KLHL2: variants seen among roughly 807,000 people sequenced by gnomAD.
KLHL2 encodes the protein kelch-like protein 2.
Under a neutral mutation model 75.8 loss-of-function variants are expected in KLHL2, and 15 were observed. The ratio of observed to expected loss-of-function variants is 0.20; its 90% CI spans 0.13 to 0.30. The LOEUF (loss-of-function observed/expected upper bound fraction) is 0.30, where lower values mean the gene tolerates loss of function less well. Among genes scored for constraint, KLHL2 ranks in the 10% least tolerant of loss-of-function variants. The probability of loss-of-function intolerance (pLI) is 1.00; values close to 1 mark genes in which losing one functional copy is unlikely to be tolerated. For synonymous variants in KLHL2, 214 were observed against 251.9 expected (o/e 0.85, Z 1.42); for missense variants, 381 against 741.0 (o/e 0.51, Z 5.64).
chr4:165,311,392 G>A (rs910406698), intron 10 of KLHL2, 72 bp from the exon 11 acceptor site: 2 of 1,055,650 alleles, frequency 1.9e-6, no homozygotes, highest in East Asian at 4.8e-5. Context: ...CATACCTGAA[G>A]TATTTTTCCA....
At chr4:165,234,358 GTTAT>G (rs907054270) in intron 3 of KLHL2, among the ~76,000 whole-genome samples, 9 of 152,110 alleles carry the variant, frequency 5.9e-5, no homozygotes, top group African/African-American at 2.2e-4. Flanking sequence ...CTATAAATTT[GTTAT>G]TTATTTCTTA....
chr4:165,297,496 TA>T, intron 6 of KLHL2, 112 bp from the exon 7 acceptor site: 1 of 668,632 alleles, frequency 1.5e-6, no homozygotes, highest in South Asian at 1.7e-5. Flanking sequence ...AGCTGTGAAT[TA>T]AACTTGGATG....
intron 13 of KLHL2, among the ~76,000 whole-genome samples, chr4:165,314,853 A>G (rs1746477857): frequency 6.6e-6 from 1 of 152,172 alleles, no homozygotes; most frequent in African/African-American, 2.4e-5. Flanking sequence ...AAATGCCATT[A>G]TCTTCATGTC....
intron 1 of KLHL2, chr4:165,210,024 C>T: frequency 6.5e-7 from 1 of 1,528,492 alleles, no homozygotes; most frequent in Non-Finnish European, 8.8e-7. Context: ...GCCTCACTGC[C>T]AGAGCTGGGC....
At chr4:165,235,511 A>AT (rs1200807461) in intron 3 of KLHL2, among the ~76,000 whole-genome samples, 1 of 152,198 alleles carries the variant, frequency 6.6e-6, no homozygotes, top group African/African-American at 2.4e-5. Context: ...AAAATGCTAC[A>AT]TTTTAAATTG....
At chr4:165,241,023 T>C (rs1182598727) in intron 4 of KLHL2, among the ~76,000 whole-genome samples, 1 of 152,218 alleles carries the variant, frequency 6.6e-6, no homozygotes, top group Non-Finnish European at 1.5e-5. Context: ...CTTGTGTATA[T>C]ATTGCTTAGC....
chr4:165,215,206 C>T (rs143362027), intron 1 of KLHL2, among the ~76,000 whole-genome samples: 1,668 of 152,236 alleles, frequency 0.011, 26 homozygotes, highest in African/African-American at 0.036. Context: ...TAGACCCAAA[C>T]GTGTTTCCAA....
intron 1 of KLHL2, among the ~76,000 whole-genome samples, chr4:165,217,592 C>T (rs892010814): frequency 3.9e-5 from 6 of 152,132 alleles, no homozygotes; most frequent in South Asian, 2.1e-4. Context: ...AACTCTCAAG[C>T]GGTGAGGAAG....
intron 5 of KLHL2, among the ~76,000 whole-genome samples, chr4:165,264,682 A>ATGTG (rs760543186): frequency 0.32 from 21,303 of 66,496 alleles, 4,733 homozygotes; most frequent in Admixed American, 0.43. Context: ...ACGTATATGT[A>ATGTG]TGTGTGTGTG....
In KLHL2 at chr4:165,255,644, ACCCAG is replaced by A. The variant is rs910833758; in HGVS notation, c.382-7549_382-7545del. ...CAAAACCCTACTCCTTGGCCGCAAAACCCAGCCCTCTGCTATGTGCATCCAACCAT... is the reference window on the plus strand; with the variant it reads ...CAAAACCCTACTCCTTGGCCGCAAAACCCTCTGCTATGTGCATCCAACCAT... On this transcript the variant is annotated intron_variant, in intron 4 of 14. Coordinates refer to ENST00000226725, the MANE Select transcript of KLHL2 (RefSeq NM_007246.4). Among the ~76,000 whole-genome samples, 4 of 152,084 alleles carry A rather than the reference ACCCAG, an allele frequency of 2.6e-5. No homozygotes were observed. In the South Asian group the frequency reaches 6.2e-4, roughly 24 times the overall value.
intron 5 of KLHL2, chr4:165,278,566 G>T: frequency 2.5e-6 from 4 of 1,609,966 alleles, no homozygotes; most frequent in Non-Finnish European, 3.4e-6. Flanking sequence ...ATGCTGGGAC[G>T]AAGTAGCAGC....
intron 5 of KLHL2, among the ~76,000 whole-genome samples, chr4:165,274,059 A>G (rs1343141832): frequency 1.3e-5 from 2 of 151,386 alleles, no homozygotes; most frequent in Middle Eastern, 3.4e-3. Flanking sequence ...TAAAGTTAAT[A>G]TTTTTCTTTT....
chr4:165,258,080 G>A (rs1417790371), intron 4 of KLHL2, among the ~76,000 whole-genome samples: 1 of 152,042 alleles, frequency 6.6e-6, no homozygotes, highest in Non-Finnish European at 1.5e-5. Context: ...GAGGGGCGAG[G>A]GCCTCTTTAC....
intron 5 of KLHL2, chr4:165,278,442 A>G (rs1378080715): frequency 1.3e-6 from 2 of 1,516,634 alleles, no homozygotes; most frequent in Non-Finnish European, 1.8e-6. Flanking sequence ...CGAGTTTGGA[A>G]ACAAACAGCT....
chr4:165,302,338 G>GATTAATT (rs1745411660), intron 8 of KLHL2, among the ~76,000 whole-genome samples: 1 of 152,166 alleles, frequency 6.6e-6, no homozygotes, highest in African/African-American at 2.4e-5. Context: ...ATGAAGCAAA[G>GATTAATT]ATTAATTTCT....
chr4:165,259,968 G>A (rs1419037335), intron 4 of KLHL2, among the ~76,000 whole-genome samples: 2 of 151,714 alleles, frequency 1.3e-5, no homozygotes, highest in East Asian at 3.9e-4. Context: ...TGTTTGAGTG[G>A]TTTTGATCAT....
At chr4:165,311,032 ATT>A (rs1006931258) in intron 10 of KLHL2, among the ~76,000 whole-genome samples, 13 of 151,164 alleles carry the variant, frequency 8.6e-5, no homozygotes, top group Admixed American at 7.2e-4. Flanking sequence ...TTTTTTTTGT[ATT>A]TTTTAGTAGA....
At chr4:165,279,818 T>C in intron 5 of KLHL2, 1 of 682,776 alleles carries the variant, frequency 1.5e-6, no homozygotes. Flanking sequence ...CAGCTCATTT[T>C]CTGTCTTGGC....
chr4:165,320,149 A>G (rs1217038665), intron 14 of KLHL2, among the ~76,000 whole-genome samples: 1 of 152,204 alleles, frequency 6.6e-6, no homozygotes, highest in Non-Finnish European at 1.5e-5. Context: ...ATGCAGACAA[A>G]TGTGCCACCA....
Sources: gnomAD v4.1 joint callset for allele counts (sites outside exome capture counted in the v4.1 genomes callset) on GRCh38, gnomAD v4.1.1 for gene constraint, MANE v1.5 for transcripts, NCBI Gene and HGNC (gene_info 2026-07-23, HGNC 2026-07-21) for gene names.